The following AVL9 variants were observed in gnomAD, a reference collection of about 807,000 sequenced individuals.
The protein encoded by AVL9 is late secretory pathway protein AVL9 homolog.
In AVL9, 49 loss-of-function variants were observed where a neutral mutation model predicts 79.2. That is an observed-to-expected ratio of 0.62 (90% confidence interval 0.49 to 0.79). AVL9 has a LOEUF of 0.79. Among genes scored for constraint, AVL9 ranks in the 30% least tolerant of loss-of-function variants. The pLI, the probability that AVL9 is intolerant of heterozygous loss-of-function variation, is 0.00. For missense variants in AVL9, 682 were observed against 776.8 expected, an observed-to-expected ratio of 0.88 and a Z score of 1.45; for synonymous variants, 299 against 280.6, an observed-to-expected ratio of 1.07 and a Z score of -0.65.
At chr7:32,537,055 G>A (rs1265810072) in intron 1 of AVL9, 1 of 152,104 alleles carries the variant, frequency 6.6e-6, no homozygotes, top group Non-Finnish European at 1.5e-5. Context: ...ATTGGCCATT[G>A]GTGATAGAAT....
At chr7:32,565,212 T>C (rs1208882102) in intron 10 of AVL9, among the ~76,000 whole-genome samples, 1 of 152,198 alleles carries the variant, frequency 6.6e-6, no homozygotes, top group African/African-American at 2.4e-5. Context: ...ACGAGATTAT[T>C]GCCATTATTT....
chr7:32,575,186 T>C, intron 12 of AVL9, among the ~76,000 whole-genome samples: 1 of 152,058 alleles, frequency 6.6e-6, no homozygotes, highest in East Asian at 1.9e-4. Flanking sequence ...GCAACCTCCA[T>C]CTCCTGGTTT....
intron 6 of AVL9, among the ~76,000 whole-genome samples, chr7:32,553,369 A>G (rs546065103): frequency 3.0e-4 from 46 of 152,220 alleles, no homozygotes; most frequent in Non-Finnish European, 6.2e-4. Context: ...TGCACTGTCC[A>G]AAACAGTAGC....
chr7:32,569,289 A>G (rs1215498499), intron 10 of AVL9, among the ~76,000 whole-genome samples: 1 of 152,238 alleles, frequency 6.6e-6, no homozygotes, highest in African/African-American at 2.4e-5. Context: ...CTGATTTAGA[A>G]TCTTTCAGCA....
chr7:32,586,454 T>G lies in AVL9; in HGVS notation c.*2547T>G. On this transcript the variant is annotated 3_prime_UTR_variant, in exon 16 of 16. Coordinates refer to ENST00000318709, the MANE Select transcript of AVL9 (RefSeq NM_015060.3). ...CAAAGGCAGGAAGCCTCACCCCTGG[T>G]CCTGTGACCCCCCCCCCCCACACAC... 1 of 65,656 alleles carries G rather than the reference T, an allele frequency of 1.5e-5. No homozygotes were observed. The highest frequency in any genetic ancestry group is 3.1e-5 in the Non-Finnish European group (1 of 31,958). 4.1% of individuals were successfully genotyped at this position (65,656 alleles called of 1,614,324 possible).
At chr7:32,509,849 A>G (rs1176190047) in intron 1 of AVL9, among the ~76,000 whole-genome samples, 1 of 152,182 alleles carries the variant, frequency 6.6e-6, no homozygotes. Context: ...GACTGTCTCA[A>G]AAAGAAAAAA....
chr7:32,496,961 A>G (rs939895859), intron 1 of AVL9, among the ~76,000 whole-genome samples: 3 of 152,224 alleles, frequency 2.0e-5, no homozygotes, highest in African/African-American at 7.2e-5. Context: ...AATTAGTTGC[A>G]TGTGATAGCG....
chr7:32,559,486 C>T (rs552825991), intron 10 of AVL9, 22 bp downstream of exon 10: 12 of 1,491,838 alleles, frequency 8.0e-6, no homozygotes, highest in South Asian at 5.9e-5. Context: ...TATTTTTTAT[C>T]GAATTCCTTA....
intron 1 of AVL9, among the ~76,000 whole-genome samples, chr7:32,503,233 T>G (rs1787220218): frequency 6.6e-6 from 1 of 151,136 alleles, no homozygotes. Context: ...CCCAGCACTT[T>G]GGGAGGCCGA....
intron 1 of AVL9, among the ~76,000 whole-genome samples, chr7:32,531,096 A>G (rs911035950): frequency 6.6e-6 from 1 of 152,224 alleles, no homozygotes; most frequent in Non-Finnish European, 1.5e-5. Context: ...GGCAGGGACA[A>G]TTACAAAAGT....
rs1461841515 is a variant in AVL9, at chr7:32,559,538, T to G, written c.1215+74T>G. The G allele has an allele frequency of 2.1e-6, 3 of 1,460,360 alleles. No homozygotes were observed. In the African/African-American group the frequency reaches 4.3e-5, roughly 21 times the overall value. The allele number at this position is 1,460,360 out of a possible 1,614,324, so 90.5% of individuals were successfully genotyped here. On this transcript the variant is annotated intron_variant, in intron 10 of 15. Transcript: ENST00000318709. ...CTTTCGGAGTTTAACTTTTGAACTT[T>G]TGGTATTCAACACATTTTCAGGTGG...
At chr7:32,535,130 C>T (rs1358048830) in intron 1 of AVL9, 2 of 152,124 alleles carry the variant, frequency 1.3e-5, no homozygotes, top group Non-Finnish European at 2.9e-5. Flanking sequence ...TAAAGTAATC[C>T]TGTGCCAAAG....
Position 32,559,296 on chromosome 7 carries a change from G to A in AVL9, c.1047G>A (p.Gln349=). 2 of 1,614,182 alleles carry A rather than the reference G, an allele frequency of 1.2e-6. No homozygotes were observed. The highest frequency in any genetic ancestry group is 1.7e-6 in the Non-Finnish European group (2 of 1,180,028). ...LEDPNLKERE[Q]LGSDQTNLFP... is the part of the protein sequence containing the mutation. ...ACCCCAACTTGAAAGAAAGGGAACA[G>A]CTGGGATCAGACCAGACAAATTTGT... Residue 349 remains glutamine, a synonymous_variant, in exon 10 of 16, where the codon CAG becomes CAA. Transcript: ENST00000318709.
In AVL9 at chr7:32,519,903, C is replaced by T. The variant is rs552649430; in HGVS notation, c.94-23238C>T. ...TAGCAGAAGTCATAGAGGAAGTGAG[C>T]ACATCTTCACATGTGGAAGTGTGAG... On this transcript the variant is annotated intron_variant, in intron 1 of 15. Transcript: ENST00000318709. Among the ~76,000 whole-genome samples, 14 of 152,224 alleles carry T rather than the reference C, an allele frequency of 9.2e-5. 1 individual carries two copies. In the South Asian group the frequency reaches 2.9e-3, roughly 32 times the overall value.
chr7:32,526,665 AG>A (rs918887862), intron 1 of AVL9, among the ~76,000 whole-genome samples: 2 of 152,042 alleles, frequency 1.3e-5, no homozygotes, highest in Non-Finnish European at 2.9e-5. Flanking sequence ...CATCCTGGGG[AG>A]GCATCCTGTT....
intron 15 of AVL9, among the ~76,000 whole-genome samples, chr7:32,583,423 C>T (rs1007465280): frequency 3.3e-5 from 5 of 152,198 alleles, no homozygotes; most frequent in Non-Finnish European, 7.3e-5. Flanking sequence ...ATTGGCTGGG[C>T]ACAGTGGCTC....
intron 1 of AVL9, among the ~76,000 whole-genome samples, chr7:32,526,581 C>G (rs910534845): frequency 6.6e-6 from 1 of 152,130 alleles, no homozygotes; most frequent in Non-Finnish European, 1.5e-5. Context: ...CTCCTGGGTT[C>G]CCTTCCCCTA....
chr7:32,529,408 G>T (rs922516436), intron 1 of AVL9, among the ~76,000 whole-genome samples: 8 of 152,208 alleles, frequency 5.3e-5, no homozygotes, highest in African/African-American at 1.7e-4. Flanking sequence ...AGTACAGTTT[G>T]TGAAGTACAT....
At chr7:32,532,232 T>G in intron 1 of AVL9, 1 of 152,210 alleles carries the variant, frequency 6.6e-6, no homozygotes, top group East Asian at 1.9e-4. Flanking sequence ...GCCACTTCTC[T>G]CCAGTGTCCA....
Sources: gnomAD v4.1 joint callset for allele counts (sites outside exome capture counted in the v4.1 genomes callset) on GRCh38, gnomAD v4.1.1 for gene constraint, MANE v1.5 for transcripts, NCBI Gene and HGNC (gene_info 2026-07-23, HGNC 2026-07-21) for gene names.